LEMD1: variants seen among roughly 807,000 people sequenced by gnomAD.
The protein encoded by LEMD1 is LEM domain-containing protein 1.
LEMD1 carries 18 observed loss-of-function variants against 17.4 expected under a neutral mutation model. The observed-to-expected ratio is 1.04, with a 90% CI of 0.72 to 1.54. The LOEUF is 1.54. LEMD1 is among the 40% of genes most tolerant of loss of function. The pLI is 0.00. For synonymous variants in LEMD1, 88 were observed against 77.8 expected, an observed-to-expected ratio of 1.13 and a Z score of -0.69; for missense variants, 195 against 210.4, an observed-to-expected ratio of 0.93 and a Z score of 0.45.
intron 5 of LEMD1, among the ~76,000 whole-genome samples, 175 bp downstream of exon 5, chr1:205,384,113 T>C (rs575864705): frequency 5.3e-5 from 8 of 152,318 alleles, no homozygotes; most frequent in East Asian, 1.9e-4. Context: ...TCTCTAAATA[T>C]GAACAATGAA....
At chr1:205,430,021 G>A (rs921884649) in intron 1 of LEMD1, among the ~76,000 whole-genome samples, 3 of 152,222 alleles carry the variant, frequency 2.0e-5, no homozygotes, top group Non-Finnish European at 4.4e-5. Flanking sequence ...AGCAGACATT[G>A]GACAGGGCTG....
intron 4 of LEMD1, among the ~76,000 whole-genome samples, chr1:205,412,127 A>G (rs1487805647): frequency 1.3e-5 from 2 of 152,150 alleles, no homozygotes; most frequent in South Asian, 4.1e-4. Context: ...GATAAATTAT[A>G]CGGCCACCTT....
intron 4 of LEMD1, among the ~76,000 whole-genome samples, chr1:205,394,255 T>C (rs946109939): frequency 5.3e-5 from 8 of 152,086 alleles, no homozygotes; most frequent in African/African-American, 1.7e-4. Flanking sequence ...TAATGGGTAT[T>C]GGTTTTATTT....
intron 1 of LEMD1, among the ~76,000 whole-genome samples, chr1:205,430,587 C>A (rs1666111560): frequency 6.6e-6 from 1 of 152,192 alleles, no homozygotes; most frequent in Non-Finnish European, 1.5e-5. Context: ...CGTGGAGAAC[C>A]AGGAATGGCA....
intron 4 of LEMD1, among the ~76,000 whole-genome samples, chr1:205,405,575 G>A (rs1665054532): frequency 6.8e-6 from 1 of 147,162 alleles, no homozygotes; most frequent in South Asian, 2.1e-4. Context: ...GCACTTCTCT[G>A]TATTGGTTAT....
intron 4 of LEMD1, among the ~76,000 whole-genome samples, chr1:205,399,538 C>T (rs1178643512): frequency 1.3e-5 from 2 of 152,182 alleles, no homozygotes; most frequent in African/African-American, 4.8e-5. Context: ...TTCCAAACAC[C>T]TTGTGAAACA....
intron 3 of LEMD1, 108 bp from the exon 4 acceptor site, chr1:205,416,404 G>T: frequency 2.7e-6 from 2 of 738,194 alleles, no homozygotes; most frequent in Non-Finnish European, 2.2e-6. Context: ...GGACATTTTT[G>T]CAAGGGGATG....
At chr1:205,384,765 C>T (rs1038314379) in intron 4 of LEMD1, among the ~76,000 whole-genome samples, 3 of 152,060 alleles carry the variant, frequency 2.0e-5, no homozygotes, top group Non-Finnish European at 4.4e-5. Context: ...TGAACAAGGA[C>T]TAGAAAATAA....
chr1:205,395,466 T>C (rs1664546459), intron 4 of LEMD1, among the ~76,000 whole-genome samples: 1 of 151,612 alleles, frequency 6.6e-6, no homozygotes, highest in African/African-American at 2.4e-5. Flanking sequence ...TGGTGGTGCA[T>C]GCCTGTAATC....
intron 3 of LEMD1, among the ~76,000 whole-genome samples, chr1:205,417,240 G>C (rs753917823): frequency 6.6e-6 from 1 of 152,164 alleles, no homozygotes; most frequent in East Asian, 1.9e-4. Flanking sequence ...CGACCTGATG[G>C]CCCGTAGTTG....
At chr1:205,397,163 G>A (rs1158672263) in intron 4 of LEMD1, among the ~76,000 whole-genome samples, 1 of 152,134 alleles carries the variant, frequency 6.6e-6, no homozygotes, top group African/African-American at 2.4e-5. Flanking sequence ...CGGGAAAACA[G>A]ATGTCCCGAG....
upstream of LEMD1, among the ~76,000 whole-genome samples, chr1:205,426,965 C>A (rs1047688868): frequency 5.3e-5 from 8 of 151,976 alleles, no homozygotes; most frequent in African/African-American, 1.7e-4. Flanking sequence ...GAGGAGATGC[C>A]GGGAGGCTTT....
intron 4 of LEMD1, among the ~76,000 whole-genome samples, chr1:205,391,656 C>A (rs1157965153): frequency 2.0e-5 from 3 of 152,184 alleles, no homozygotes; most frequent in Non-Finnish European, 4.4e-5. Flanking sequence ...GCCCTCCCAG[C>A]AGCCCAGGAG....
At chr1:205,384,786 C>T (rs16855495) in intron 4 of LEMD1, among the ~76,000 whole-genome samples, 3,557 of 152,114 alleles carry the variant, frequency 0.023, 129 homozygotes, top group African/African-American at 0.081. Flanking sequence ...TTTAGGAGAA[C>T]GAAATGTTGC....
chr1:205,410,418 A>G (rs1197770261), intron 4 of LEMD1, among the ~76,000 whole-genome samples: 1 of 152,176 alleles, frequency 6.6e-6, no homozygotes, highest in Non-Finnish European at 1.5e-5. Flanking sequence ...CATTCCCTGA[A>G]TGGTCATCCA....
At position 205,448,559 on chromosome 1, in the gene LEMD1, T is replaced by C. The variant is rs188326018; in HGVS notation, c.-39+1309A>G. Among the ~76,000 whole-genome samples the C allele has an allele frequency of 7.7e-4, 116 of 151,270 alleles. No individual in the cohort carries two copies. Among genetic ancestry groups the C allele is most frequent in the African/African-American group, 2.7e-3 (111 of 41,394 alleles). ...AATTCTCTCACCATCTTCCACCACCTGCACTAAAGCCATCCCAGTAATGAG... is the reference window on the plus strand; with the variant it reads ...AATTCTCTCACCATCTTCCACCACCCGCACTAAAGCCATCCCAGTAATGAG... On this transcript the variant is annotated intron_variant, in intron 1 of 3. Coordinates refer to the LEMD1 transcript ENST00000367154. This position sits in a 1 kb window ranked among gnomAD's most constrained non-coding sequence, Gnocchi z 4.7.
intron 3 of LEMD1, among the ~76,000 whole-genome samples, 194 bp downstream of exon 3, chr1:205,419,036 G>A (rs1665829818): frequency 6.6e-6 from 1 of 152,200 alleles, no homozygotes. Flanking sequence ...TTAAGTCACT[G>A]GCGTGAATAC....
At chr1:205,412,193 A>G (rs1353616921) in intron 4 of LEMD1, among the ~76,000 whole-genome samples, 1 of 152,138 alleles carries the variant, frequency 6.6e-6, no homozygotes, top group African/African-American at 2.4e-5. Flanking sequence ...CTCCCTACCA[A>G]TCAACCCCAA....
At chr1:205,405,967 A>T (rs1226262074) in intron 4 of LEMD1, among the ~76,000 whole-genome samples, 1 of 152,124 alleles carries the variant, frequency 6.6e-6, no homozygotes, top group African/African-American at 2.4e-5. Context: ...CTAGAGGTCC[A>T]CTCCAGACCC....
Sources: gnomAD v4.1 joint callset for allele counts (sites outside exome capture counted in the v4.1 genomes callset) on GRCh38, gnomAD v4.1.1 for gene constraint, Gnocchi (gnomAD v3.1) non-coding constraint, MANE v1.5 for transcripts, NCBI Gene and HGNC (gene_info 2026-07-23, HGNC 2026-07-21) for gene names.